Variants in SYNE2 observed in about 807,000 individuals in gnomAD.
SYNE2 encodes the protein spectrin repeat containing nuclear envelope protein 2, also known as nesprin-2.
A neutral mutation model predicts 856.3 loss-of-function variants in SYNE2; 431 were observed. The observed-to-expected ratio is 0.50, with a 90% CI of 0.47 to 0.55. The LOEUF (loss-of-function observed/expected upper bound fraction) is 0.55. SYNE2 is among the 20% of genes least tolerant of loss of function. SYNE2 has a pLI of 0.00. For missense variants in SYNE2, 8,129 were observed against 8,023.2 expected, an observed-to-expected ratio of 1.01 and a Z score of -0.50; for synonymous variants, 2,923 against 2,872.3, an observed-to-expected ratio of 1.02 and a Z score of -0.56.
chr14:64,168,637 G>A (rs1013475991), intron 92 of SYNE2, among the ~76,000 whole-genome samples: 2 of 152,140 alleles, frequency 1.3e-5, no homozygotes, highest in African/African-American at 2.4e-5. Flanking sequence ...CTACCAAATC[G>A]TAAATGCCCA....
chr14:63,944,637 T>C (rs1255857), intron 6 of SYNE2, among the ~76,000 whole-genome samples: 101,121 of 146,686 alleles, frequency 0.69, 35,077 homozygotes, highest in South Asian at 0.78. Context: ...GATTCTGCCT[T>C]AGCCTCCCAA....
intron 80 of SYNE2, 41 bp from the exon 81 acceptor site, chr14:64,141,300 A>G: frequency 6.5e-7 from 1 of 1,541,070 alleles, no homozygotes; most frequent in Admixed American, 1.7e-5. Context: ...TTTCTGCTAT[A>G]TTTAAATTTT....
chr14:64,215,377 G>GTC (rs901545471), intron 107 of SYNE2, 23 bp downstream of exon 107: 4 of 1,610,826 alleles, frequency 2.5e-6, no homozygotes, highest in Middle Eastern at 1.6e-4. Context: ...CCATGCATGT[G>GTC]TCAACATGGC....
intron 1 of SYNE2, among the ~76,000 whole-genome samples, chr14:63,828,854 G>A (rs780542713): frequency 1.3e-5 from 2 of 152,040 alleles, no homozygotes; most frequent in African/African-American, 2.4e-5. Flanking sequence ...TGGTATCATC[G>A]TGTGTTTCTG....
chr14:64,183,251 G>T (rs2098469899), intron 96 of SYNE2, among the ~76,000 whole-genome samples: 1 of 149,548 alleles, frequency 6.7e-6, no homozygotes, highest in South Asian at 2.1e-4. Context: ...GGGCGGCCGG[G>T]CAGAGACTCC....
intron 64 of SYNE2, among the ~76,000 whole-genome samples, chr14:64,104,095 A>G (rs545523830): frequency 3.9e-5 from 6 of 152,136 alleles, no homozygotes; most frequent in Admixed American, 3.3e-4. Flanking sequence ...TCCCATGTCA[A>G]TTACTACACT....
At chr14:64,060,590 A>T (rs1242827359) in intron 49 of SYNE2, among the ~76,000 whole-genome samples, 1 of 151,954 alleles carries the variant, frequency 6.6e-6, no homozygotes, top group Non-Finnish European at 1.5e-5. Flanking sequence ...TGGAACTGTG[A>T]GCTGTGGTTC....
intron 48 of SYNE2, among the ~76,000 whole-genome samples, chr14:64,055,061 A>G (rs1016888876): frequency 6.6e-6 from 1 of 152,154 alleles, no homozygotes; most frequent in Admixed American, 6.5e-5. Context: ...AGGGACCTTT[A>G]TTTATTTCAA....
intron 55 of SYNE2, among the ~76,000 whole-genome samples, 182 bp downstream of exon 55, chr14:64,078,788 T>G (rs1244069909): frequency 1.3e-5 from 2 of 152,150 alleles, no homozygotes; most frequent in East Asian, 1.9e-4. Context: ...AATTATTCTC[T>G]TGGCCAGGTG....
chr14:63,892,566 A>C lies in SYNE2; in HGVS notation c.-51-16532A>C, dbSNP rs78771391. On this transcript the variant is annotated intron_variant, in intron 1 of 115. Coordinates refer to ENST00000555002, the MANE Select transcript of SYNE2 (RefSeq NM_182914.3). ...TTGGGGAGAAAAAAAAAATGTCAAAAATGGAAGAAAGAGAAGCAATTCAAG... is the reference window on the plus strand; with the variant it reads ...TTGGGGAGAAAAAAAAAATGTCAAACATGGAAGAAAGAGAAGCAATTCAAG... Among the ~76,000 whole-genome samples the C allele has an allele frequency of 1.1e-3, 161 of 152,252 alleles. 2 individuals carry two copies. The East Asian group carries it at 0.015, about 14-fold the overall frequency.
chr14:63,960,769 A>G, intron 8 of SYNE2: 1 of 764,270 alleles, frequency 1.3e-6, no homozygotes, highest in Non-Finnish European at 2.4e-6. Flanking sequence ...TACAGAATTT[A>G]TATGCCTGGC....
Position 64,003,155 on chromosome 14 carries a change from A to G in SYNE2, c.4222A>G (p.Ile1408Val), listed in dbSNP as rs755316066. Residue 1408 changes from isoleucine to valine, a missense_variant, in exon 30 of 116, where the codon ATA (isoleucine) becomes GTA (valine). This residue lies in a region of SYNE2 where 2,422 missense variants were observed against 2,357.4 expected (regional missense o/e 1.03). Coordinates refer to ENST00000555002, the MANE Select transcript of SYNE2 (RefSeq NM_182914.3). Reference sequence around the variant, plus strand: ...TGAAAACCTGCTTGATGCTTTTTCAATAAAGTTATCTGAGACACATGGCTA... The same window carrying G: ...TGAAAACCTGCTTGATGCTTTTTCAGTAAAGTTATCTGAGACACATGGCTA... ...SCENLLDAFS[I>V]KLSETHGYGV... 1.9e-6 allele frequency: 3 copies of G among 1,614,220 alleles called. No homozygotes were observed. Among genetic ancestry groups the G allele is most frequent in the South Asian group, 1.1e-5 (1 of 91,088 alleles).
At chr14:64,046,397 G>C (rs962660679) in intron 45 of SYNE2, among the ~76,000 whole-genome samples, 2 of 152,222 alleles carry the variant, frequency 1.3e-5, no homozygotes, top group African/African-American at 4.8e-5. Context: ...CTGTCACCCA[G>C]CCTGGAGTGC....
In SYNE2 at chr14:64,167,239, G is replaced by A. The variant is rs770225731; in HGVS notation, c.16612G>A (p.Val5538Met). The A allele has an allele frequency of 5.0e-6, 8 of 1,614,036 alleles. No homozygotes were observed. The highest frequency in any genetic ancestry group is 6.8e-6 in the Non-Finnish European group (8 of 1,180,046). ...KENPDSFLNH[V>M]LALTAQSPDI... ...TTCAATTTTTTAAAAATAGAATCAT[G>A]TGCTGGCACTGACAGCCCAATCACC... The change falls in exon 91 of 116, where the codon GTG becomes ATG. Residue 5538 changes from valine (V) to methionine (M), a missense_variant. Coordinates refer to ENST00000555002, the MANE Select transcript of SYNE2 (RefSeq NM_182914.3).
At chr14:63,861,239 G>A (rs1201717952) in intron 1 of SYNE2, among the ~76,000 whole-genome samples, 1 of 150,870 alleles carries the variant, frequency 6.6e-6, no homozygotes, top group African/African-American at 2.4e-5. Context: ...TCGCCTCCTG[G>A]GTTCAAGCGA....
At chr14:64,171,860 C>CT (rs149815635) in intron 94 of SYNE2, among the ~76,000 whole-genome samples, 5 of 151,842 alleles carry the variant, frequency 3.3e-5, no homozygotes, top group Non-Finnish European at 2.9e-5. Context: ...GCTTGTTTTT[C>CT]TTTTTTTTGG....
chr14:64,199,440 A>G (rs1367882374), intron 99 of SYNE2, among the ~76,000 whole-genome samples: 1 of 152,176 alleles, frequency 6.6e-6, no homozygotes. Context: ...TAGCATTGTT[A>G]TGAAGAGGAA....
At chr14:63,787,363 C>T (rs539034555) in intron 1 of SYNE2, among the ~76,000 whole-genome samples, 3 of 152,286 alleles carry the variant, frequency 2.0e-5, no homozygotes, top group East Asian at 3.9e-4. Context: ...TTCCCAGTCT[C>T]TGGTAACCCC....
chr14:63,937,918 A>G (rs931313378), intron 2 of SYNE2, among the ~76,000 whole-genome samples: 3 of 152,184 alleles, frequency 2.0e-5, no homozygotes, highest in Non-Finnish European at 2.9e-5. Flanking sequence ...GGCAGAGTCA[A>G]TGGCTTGGAG....
Sources: gnomAD v4.1 joint callset for allele counts (sites outside exome capture counted in the v4.1 genomes callset) on GRCh38, gnomAD v4.1.1 for gene constraint, gnomAD v4.1.1 regional missense constraint, MANE v1.5 for transcripts, NCBI Gene and HGNC (gene_info 2026-07-23, HGNC 2026-07-21) for gene names.